ZNF385D: variants seen among roughly 807,000 people sequenced by gnomAD.
The protein encoded by ZNF385D is zinc finger protein 385D.
Under a neutral mutation model 35.8 loss-of-function variants are expected in ZNF385D, and 15 were observed. The observed-to-expected ratio is 0.42, with a 90% CI of 0.28 to 0.64. The LOEUF (loss-of-function observed/expected upper bound fraction) is 0.64. Among genes scored for constraint, ZNF385D ranks in the 30% least tolerant of loss-of-function variants. The pLI is 0.23. For synonymous variants in ZNF385D, 212 were observed against 186.8 expected, an observed-to-expected ratio of 1.13 and a Z score of -1.10; for missense variants, 474 against 494.6, an observed-to-expected ratio of 0.96 and a Z score of 0.39.
intron 3 of ZNF385D, among the ~76,000 whole-genome samples, chr3:21,910,628 A>G (rs1218115246): frequency 6.6e-6 from 1 of 151,872 alleles, no homozygotes; most frequent in Non-Finnish European, 1.5e-5. Context: ...GTTGTATCTC[A>G]TGTATAATAA....
intron 2 of ZNF385D, among the ~76,000 whole-genome samples, chr3:22,321,483 A>C (rs1001924530): frequency 1.3e-5 from 2 of 151,944 alleles, no homozygotes; most frequent in African/African-American, 4.8e-5. Flanking sequence ...CTCCTGTCTC[A>C]GCCTCTCGAG....
chr3:21,972,287 G>A (rs987669176), intron 3 of ZNF385D, among the ~76,000 whole-genome samples: 1 of 151,650 alleles, frequency 6.6e-6, no homozygotes, highest in Admixed American at 6.6e-5. Flanking sequence ...AAATCATTTG[G>A]AAAGTAAACA....
chr3:21,459,315 T>C (rs762145142), intron 4 of ZNF385D: 14 of 152,132 alleles, frequency 9.2e-5, no homozygotes, highest in Non-Finnish European at 1.5e-4. Flanking sequence ...ACTATAATTA[T>C]TTTTTAAATT....
intron 2 of ZNF385D, among the ~76,000 whole-genome samples, chr3:21,599,998 C>T (rs184941325): frequency 6.6e-5 from 10 of 152,246 alleles, no homozygotes; most frequent in East Asian, 5.8e-4. Flanking sequence ...GTAAAGAAGC[C>T]GGCTAAAACG....
In ZNF385D at chr3:21,850,824, G is replaced by A. The variant is rs185380309; in HGVS notation, c.326-185796C>T. Among the ~76,000 whole-genome samples, 12 of 152,110 alleles carry A rather than the reference G, an allele frequency of 7.9e-5. No individual in the cohort carries two copies. In the East Asian group the frequency reaches 2.3e-3, roughly 30 times the overall value. On this transcript the variant is annotated intron_variant, in intron 3 of 5. Coordinates refer to the ZNF385D transcript ENST00000494108. The stretch of plus-strand genomic sequence containing the variant: ...GGCTATACTATACCTTTCCTAGTGG[G>A]CCTTAAAAATGTGCCTAAAAATTAC...
chr3:21,499,362 G>A (rs1706192604), intron 4 of ZNF385D, among the ~76,000 whole-genome samples: 1 of 152,108 alleles, frequency 6.6e-6, no homozygotes, highest in African/African-American at 2.4e-5. Context: ...ATTATCCTAA[G>A]CGAACTAACA....
At chr3:21,436,754 C>T in intron 5 of ZNF385D, 1 of 555,692 alleles carries the variant, frequency 1.8e-6, no homozygotes, top group South Asian at 2.4e-5. Flanking sequence ...CACACACATA[C>T]ACACACACCA....
At chr3:22,208,531 A>G (rs1057282670) in intron 2 of ZNF385D, among the ~76,000 whole-genome samples, 1 of 151,772 alleles carries the variant, frequency 6.6e-6, no homozygotes, top group Non-Finnish European at 1.5e-5. Flanking sequence ...TCTACAGTCA[A>G]TAATAATTGT....
chr3:21,543,277 T>A (rs2062244639), intron 3 of ZNF385D, among the ~76,000 whole-genome samples: 1 of 152,124 alleles, frequency 6.6e-6, no homozygotes, highest in Non-Finnish European at 1.5e-5. Context: ...ATCACGCCAC[T>A]CTACTCCAGC....
intron 2 of ZNF385D, among the ~76,000 whole-genome samples, chr3:22,240,877 G>A (rs1422895337): frequency 6.6e-6 from 1 of 150,808 alleles, no homozygotes; most frequent in Non-Finnish European, 1.5e-5. Context: ...TCACTCTCTT[G>A]TCTGTACTAC....
chr3:22,077,382 A>G (rs1700516815), intron 3 of ZNF385D, among the ~76,000 whole-genome samples: 1 of 152,002 alleles, frequency 6.6e-6, no homozygotes. Flanking sequence ...AAGCCTAGAC[A>G]CAAAAGAGAA....
At chr3:21,988,400 A>C (rs1226886209) in intron 3 of ZNF385D, among the ~76,000 whole-genome samples, 38 of 128,712 alleles carry the variant, frequency 3.0e-4, no homozygotes, top group African/African-American at 9.6e-4. Flanking sequence ...CAGGACCCTC[A>C]GCTGCAGGTC....
At chr3:21,652,084 A>T (rs2065932827) in intron 2 of ZNF385D, among the ~76,000 whole-genome samples, 1 of 152,204 alleles carries the variant, frequency 6.6e-6, no homozygotes, top group East Asian at 1.9e-4. Context: ...TTTTACCTTC[A>T]CTGAATGTAT....
chr3:22,168,844 T>G, exon 3 of ZNF385D: 1 of 985,894 alleles, frequency 1.0e-6, no homozygotes, highest in Non-Finnish European at 1.2e-6. Flanking sequence ...GTCCCATTGC[T>G]GAGTTGTTTT....
At position 21,421,596 on chromosome 3, in the gene ZNF385D, G is replaced by T. The variant is rs898045125; in HGVS notation, c.955-149C>A. 10 of 622,086 alleles carry T rather than the reference G, an allele frequency of 1.6e-5. No individual in the cohort carries two copies. The East Asian group carries it at 2.8e-4, about 17-fold the overall frequency. 38.5% of individuals were successfully genotyped at this position (622,086 alleles called of 1,614,324 possible). On this transcript the variant is annotated intron_variant, in intron 7 of 7. Coordinates refer to ENST00000281523, the MANE Select transcript of ZNF385D (RefSeq NM_024697.3). ...TGTGAACTGACAACAAAGAAAATGG[G>T]AAGTATAGAACATTTTCCCTTTGGA...
At chr3:22,183,029 G>C (rs1281039379) in intron 2 of ZNF385D, among the ~76,000 whole-genome samples, 1 of 151,998 alleles carries the variant, frequency 6.6e-6, no homozygotes, top group East Asian at 1.9e-4. Flanking sequence ...GGGTTTCTTA[G>C]ACCTGAAAAG....
intron 3 of ZNF385D, among the ~76,000 whole-genome samples, chr3:22,100,739 C>T (rs779190): frequency 0.12 from 18,719 of 150,710 alleles, 1,434 homozygotes; most frequent in Middle Eastern, 0.22. Context: ...TGCTAGATGA[C>T]GAGTTAGTGG....
At chr3:22,076,609 G>T (rs1295815670) in intron 3 of ZNF385D, among the ~76,000 whole-genome samples, 1 of 151,796 alleles carries the variant, frequency 6.6e-6, no homozygotes, top group Non-Finnish European at 1.5e-5. Context: ...AGCCCAATTG[G>T]ACTATAAGCA....
At chr3:21,928,227 G>C (rs1700830700) in intron 3 of ZNF385D, among the ~76,000 whole-genome samples, 1 of 148,600 alleles carries the variant, frequency 6.7e-6, no homozygotes. Context: ...AGGATGGACG[G>C]ACGGACAGAC....
Sources: allele counts gnomAD v4.1 joint callset (sites outside exome capture counted in the v4.1 genomes callset), GRCh38; gene constraint gnomAD v4.1.1; transcripts MANE v1.5; gene names NCBI Gene and HGNC (gene_info 2026-07-23, HGNC 2026-07-21).